Variants in DCLK2 observed in about 807,000 individuals in gnomAD.
DCLK2 encodes serine/threonine-protein kinase DCLK2.
In DCLK2, 31 loss-of-function variants were observed where a neutral mutation model predicts 78.4. The observed-to-expected ratio is 0.40, with a 90% CI of 0.30 to 0.53. DCLK2 has a LOEUF of 0.53. Among genes scored for constraint, DCLK2 ranks in the 20% least tolerant of loss-of-function variants. DCLK2 has a pLI of 0.61. For missense variants in DCLK2, 872 were observed against 973.7 expected, an observed-to-expected ratio of 0.90 and a Z score of 1.39; for synonymous variants, 407 against 374.9, an observed-to-expected ratio of 1.09 and a Z score of -0.99.
chr4:150,254,520 C>T (rs570678874), intron 15 of DCLK2: 44 of 398,634 alleles, frequency 1.1e-4, no homozygotes, highest in Non-Finnish European at 1.6e-4. Context: ...GGAGAAATAA[C>T]GGGGGGATTG....
intron 1 of DCLK2, among the ~76,000 whole-genome samples, chr4:150,079,837 G>A (rs1457863563): frequency 6.6e-6 from 1 of 152,114 alleles, no homozygotes; most frequent in African/African-American, 2.4e-5. Flanking sequence ...CCTGGTGCAG[G>A]CTCCTGTCAT....
At chr4:150,244,878 C>G (rs2126614804) in intron 12 of DCLK2, among the ~76,000 whole-genome samples, 1 of 152,316 alleles carries the variant, frequency 6.6e-6, no homozygotes, top group African/African-American at 2.4e-5. Flanking sequence ...CTATAAATGA[C>G]TGCTGTGCAC....
intron 5 of DCLK2, among the ~76,000 whole-genome samples, chr4:150,211,537 T>C (rs538163265): frequency 6.6e-6 from 1 of 152,268 alleles, no homozygotes; most frequent in East Asian, 1.9e-4. Context: ...TTCATCTCTT[T>C]ATCAGCCACT....
chr4:150,248,851 T>C (rs1358639363), intron 14 of DCLK2, among the ~76,000 whole-genome samples: 2 of 152,020 alleles, frequency 1.3e-5, no homozygotes, highest in Admixed American at 6.5e-5. Flanking sequence ...TGGAGACACA[T>C]GATATTGACT....
chr4:150,112,696 TA>T (rs1050413606), intron 2 of DCLK2, among the ~76,000 whole-genome samples: 3 of 152,266 alleles, frequency 2.0e-5, no homozygotes, highest in South Asian at 2.1e-4. Context: ...GAGATGCTCA[TA>T]TTTTTTTTTA....
At chr4:150,182,883 C>G (rs1464627751) in intron 2 of DCLK2, among the ~76,000 whole-genome samples, 1 of 152,132 alleles carries the variant, frequency 6.6e-6, no homozygotes, top group Non-Finnish European at 1.5e-5. Context: ...TTTAACTACT[C>G]TTAGATAGAG....
At position 150,221,726 on chromosome 4, in the gene DCLK2, C is replaced by T; in HGVS notation, c.1182C>T (p.Tyr394=). The T allele has an allele frequency of 6.2e-7, 1 of 1,606,710 alleles. No individual in the cohort carries two copies. Among genetic ancestry groups the T allele is most frequent in the South Asian group, 1.1e-5 (1 of 89,134 alleles). ...AATCATCAACTCTTCTTGAGAAATA[C>T]AAAATTGGAAAGGTCATTGGTGATG... The part of the protein sequence containing the change: ...CSESSTLLEK[Y]KIGKVIGDGN... Residue 394 remains tyrosine (Y), a synonymous_variant, in exon 7 of 16, where the codon TAC becomes TAT. Transcript: ENST00000296550.
chr4:150,172,312 A>G (rs1560831488), intron 2 of DCLK2, among the ~76,000 whole-genome samples: 3 of 152,126 alleles, frequency 2.0e-5, no homozygotes. Flanking sequence ...TGTATGACTA[A>G]AGAAATCCTG....
At position 150,169,621 on chromosome 4, in the gene DCLK2, C is replaced by T. The variant is rs1177939448; in HGVS notation, c.757-23517C>T. 3.4e-5 allele frequency among the ~76,000 whole-genome samples: 5 copies of T among 149,192 alleles called. No individual in the cohort carries two copies. In the East Asian group the frequency reaches 7.9e-4, roughly 24 times the overall value. ...GCAGTGAGCCAAGATCGCACCATTG[C>T]ACTCCAGCTGGGTGACAAGAGTGAA... On this transcript the variant is annotated intron_variant, in intron 2 of 15. Transcript: ENST00000296550.
intron 15 of DCLK2, among the ~76,000 whole-genome samples, chr4:150,250,398 C>T (rs758393438): frequency 3.3e-5 from 5 of 152,158 alleles, no homozygotes; most frequent in East Asian, 1.9e-4. Context: ...GCAGCACACC[C>T]GCAGCAGCTG....
chr4:150,175,287 A>T (rs1383667040), intron 2 of DCLK2, among the ~76,000 whole-genome samples: 2 of 147,380 alleles, frequency 1.4e-5, no homozygotes, highest in African/African-American at 5.1e-5. Context: ...TATTTAGCCC[A>T]GGGAGATTTC....
chr4:150,207,929 G>C (rs908648730), intron 5 of DCLK2, among the ~76,000 whole-genome samples: 4 of 152,150 alleles, frequency 2.6e-5, no homozygotes, highest in African/African-American at 9.7e-5. Context: ...AGGAAATCCA[G>C]CTCCAACAAG....
intron 2 of DCLK2, among the ~76,000 whole-genome samples, chr4:150,157,216 A>T (rs980839595): frequency 2.6e-5 from 4 of 151,264 alleles, no homozygotes; most frequent in Admixed American, 6.6e-5. Flanking sequence ...ATTAAATTTA[A>T]ATGAGTTATA....
intron 1 of DCLK2, among the ~76,000 whole-genome samples, chr4:150,080,488 C>A (rs1167886298): frequency 6.6e-6 from 1 of 152,172 alleles, no homozygotes; most frequent in Non-Finnish European, 1.5e-5. Context: ...GTGCTGACTG[C>A]GTGTTTACAT....
chr4:150,226,595 G>T (rs62344471), intron 8 of DCLK2, among the ~76,000 whole-genome samples: 3 of 151,692 alleles, frequency 2.0e-5, no homozygotes, highest in African/African-American at 7.2e-5. Flanking sequence ...CTGTTTCCAT[G>T]GTTGGAAAAA....
At chr4:150,247,553 A>G (rs761810488) in intron 12 of DCLK2, 50 bp from the exon 13 acceptor site, 1 of 1,567,456 alleles carries the variant, frequency 6.4e-7, no homozygotes, top group East Asian at 2.3e-5. Flanking sequence ...TTTGTTGAAA[A>G]ATTCTACGGT....
chr4:150,233,582 A>C (rs1742243714), intron 10 of DCLK2, among the ~76,000 whole-genome samples: 1 of 152,288 alleles, frequency 6.6e-6, no homozygotes, highest in East Asian at 1.9e-4. Flanking sequence ...GAAATAGTCT[A>C]GTCCATTCAT....
chr4:150,218,414 G>C (rs1740911352), intron 5 of DCLK2, among the ~76,000 whole-genome samples: 1 of 152,186 alleles, frequency 6.6e-6, no homozygotes, highest in Non-Finnish European at 1.5e-5. Flanking sequence ...AGAAATGCCT[G>C]TGTTTCAGCC....
chr4:150,238,014 C>T (rs1485578652), intron 10 of DCLK2, among the ~76,000 whole-genome samples: 1 of 152,176 alleles, frequency 6.6e-6, no homozygotes, highest in East Asian at 1.9e-4. Context: ...GCTTCCAAAA[C>T]TATTCACTTA....
Sources: allele counts gnomAD v4.1 joint callset (sites outside exome capture counted in the v4.1 genomes callset), GRCh38; gene constraint gnomAD v4.1.1; transcripts MANE v1.5; gene names NCBI Gene and HGNC (gene_info 2026-07-23, HGNC 2026-07-21).